The following NEK5 variants were observed in gnomAD, a reference collection of about 807,000 sequenced individuals.
The protein encoded by NEK5 is serine/threonine-protein kinase Nek5.
In NEK5, 88 loss-of-function variants were observed where a neutral mutation model predicts 109.2. That is an observed-to-expected ratio of 0.81 (90% CI 0.68 to 0.96). NEK5 has a LOEUF of 0.96. NEK5 is among the 40% of genes least tolerant of loss of function. The probability of loss-of-function intolerance (pLI) is 0.00; values close to 1 mark genes in which losing one functional copy is unlikely to be tolerated. For synonymous variants in NEK5, 283 were observed against 299.9 expected, an observed-to-expected ratio of 0.94 and a Z score of 0.58; for missense variants, 834 against 920.7, an observed-to-expected ratio of 0.91 and a Z score of 1.22.
intron 12 of NEK5, 51 bp from the exon 13 acceptor site, chr13:52,093,286 G>A: frequency 7.2e-7 from 1 of 1,386,856 alleles, no homozygotes; most frequent in Non-Finnish European, 1.0e-6. Context: ...CAGGCTGGGT[G>A]CAGTGGCTCA....
At chr13:52,122,728 C>T (rs2138134126) in intron 3 of NEK5, among the ~76,000 whole-genome samples, 2 of 152,066 alleles carry the variant, frequency 1.3e-5, no homozygotes, top group Admixed American at 1.3e-4. Context: ...GATCACGCCA[C>T]TGCACTCCAG....
intron 16 of NEK5, 107 bp from the exon 17 acceptor site, chr13:52,083,459 T>A (rs1480720916): frequency 3.0e-6 from 2 of 676,264 alleles, no homozygotes; most frequent in Non-Finnish European, 5.4e-6. Flanking sequence ...GAACCCTTTT[T>A]ATAGCTCCTT....
chr13:52,059,991 T>A (rs933483413), intron 22 of NEK5, among the ~76,000 whole-genome samples: 4 of 151,394 alleles, frequency 2.6e-5, no homozygotes, highest in African/African-American at 7.3e-5. Flanking sequence ...ATCATAATAA[T>A]AATTAGGTTT....
intron 4 of NEK5, among the ~76,000 whole-genome samples, chr13:52,115,867 A>G (rs1955848297): frequency 3.3e-5 from 5 of 152,038 alleles, no homozygotes; most frequent in Admixed American, 3.3e-4. Flanking sequence ...TCATTCTAAA[A>G]TGCACTTTTA....
chr13:52,033,939 C>G lies in NEK5; in HGVS notation c.*3009G>C, dbSNP rs533300521. The G allele has an allele frequency of 5.3e-5, 8 of 152,170 alleles. No individual in the cohort carries two copies. The highest frequency in any genetic ancestry group is 1.5e-5 in the Non-Finnish European group (1 of 68,014). The allele number at this position is 152,170 out of a possible 1,614,324, so 9.4% of individuals were successfully genotyped here. On this transcript the variant is annotated 3_prime_UTR_variant, in exon 24 of 24. Coordinates refer to ENST00000684899, the MANE Select transcript of NEK5 (RefSeq NM_001365552.1). ...GCAAATTATGTCCTGTAATTTACCC[C>G]CCTCCCCGCTGCTCCTCTGCTAACT...
chr13:52,079,694 G>C (rs1307446215), intron 17 of NEK5, among the ~76,000 whole-genome samples: 1 of 152,304 alleles, frequency 6.6e-6, no homozygotes, highest in Non-Finnish European at 1.5e-5. Flanking sequence ...CCAAAGTGCC[G>C]AGATTGCAGC....
chr13:52,054,704 G>T (rs556397479), intron 22 of NEK5, among the ~76,000 whole-genome samples: 11 of 152,242 alleles, frequency 7.2e-5, no homozygotes, highest in East Asian at 1.9e-4. Context: ...CACCTCACAC[G>T]GCCGGGTACT....
chr13:52,064,771 G>C, intron 21 of NEK5: 2 of 231,726 alleles, frequency 8.6e-6, no homozygotes, highest in South Asian at 4.8e-5. Context: ...ATTTTGTTCC[G>C]TACTAAGAAA....
At chr13:52,087,129 T>C (rs1398006293) in intron 15 of NEK5, among the ~76,000 whole-genome samples, 1 of 152,234 alleles carries the variant, frequency 6.6e-6, no homozygotes, top group Non-Finnish European at 1.5e-5. Flanking sequence ...AGTTACTCTA[T>C]GAATCTCAAG....
rs1408875793 is a variant in NEK5 at position 52,112,408 on chromosome 13, A to G, written c.215-43T>C. The G allele has an allele frequency of 5.5e-6, 7 of 1,272,066 alleles. No homozygotes were observed. The Admixed American group carries it at 1.0e-4, about 19-fold the overall frequency. The allele number at this position is 1,272,066 out of a possible 1,614,324, so 78.8% of individuals were successfully genotyped here. A position where few individuals can be genotyped will look rare whatever the true frequency, so the allele number is the denominator to read the frequency against. ...ATTTGGTGCTGGAAGGATTTCAGAT[A>G]TTTATCAGCCATGTTCTGGCTGTGG... On this transcript the variant is annotated intron_variant, in intron 4 of 23. Coordinates refer to ENST00000684899, the MANE Select transcript of NEK5 (RefSeq NM_001365552.1).
At position 52,082,019 on chromosome 13, in the gene NEK5, A is replaced by T. The variant is rs1955022047; in HGVS notation, c.1572+1241T>A. On this transcript the variant is annotated intron_variant, in intron 17 of 23. Coordinates refer to ENST00000684899, the MANE Select transcript of NEK5 (RefSeq NM_001365552.1). Reference sequence around the variant, plus strand: ...ACACAGAGAATTACTCTAATTATAAAGATAATAATAATTCGCTCAGGCGGG... The same window carrying T: ...ACACAGAGAATTACTCTAATTATAATGATAATAATAATTCGCTCAGGCGGG... 1.3e-5 allele frequency among the ~76,000 whole-genome samples: 2 copies of T among 152,256 alleles called. 1 individual carries two copies. Among genetic ancestry groups the T allele is most frequent in the Non-Finnish European group, 2.9e-5 (2 of 68,046 alleles).
intron 20 of NEK5, among the ~76,000 whole-genome samples, chr13:52,069,223 C>T (rs1306384322): frequency 2.6e-5 from 4 of 152,218 alleles, no homozygotes; most frequent in Non-Finnish European, 4.4e-5. Flanking sequence ...ACTGCTTTCC[C>T]TGAGGCCATT....
rs1955326556 is a variant in NEK5 at position 52,093,120 on chromosome 13, G to A, written c.1142C>T (p.Pro381Leu). 1 of 1,613,608 alleles carries A rather than the reference G, an allele frequency of 6.2e-7. No individual in the cohort carries two copies. Among genetic ancestry groups the A allele is most frequent in the Non-Finnish European group, 8.5e-7 (1 of 1,179,674 alleles). The change falls in exon 13 of 24, where the codon CCT (proline) becomes CTT (leucine). Residue 381 changes from proline to leucine, a missense_variant. Pro to Leu is a moderately conservative substitution (Grantham distance 98, BLOSUM62 -3). Around this residue, in one of 2 missense-constraint regions of NEK5, gnomAD observed 777 missense variants for 824.7 expected, o/e 0.94. Coordinates refer to ENST00000684899, the MANE Select transcript of NEK5 (RefSeq NM_001365552.1). ...RAHKPSYHPI[P>L]QENTGVEDYG... is the part of the protein sequence containing the mutation. ...ATCCTCAACTCCAGTATTTTCTTGA[G>A]GAATAGGGTGATAACTTGGTTTGTG...
intron 12 of NEK5, among the ~76,000 whole-genome samples, chr13:52,096,652 T>C (rs1031470061): frequency 1.3e-5 from 2 of 152,102 alleles, no homozygotes; most frequent in Non-Finnish European, 2.9e-5. Context: ...ATGGTCATAT[T>C]TGTGAGCAAA....
chr13:52,045,744 G>A (rs1433320591), intron 23 of NEK5, among the ~76,000 whole-genome samples: 17 of 115,026 alleles, frequency 1.5e-4, no homozygotes, highest in African/African-American at 5.5e-4. Context: ...CAGCCTGGGC[G>A]ACAGACCAAG....
At chr13:52,080,514 G>A (rs1456619845) in intron 17 of NEK5, among the ~76,000 whole-genome samples, 2 of 152,244 alleles carry the variant, frequency 1.3e-5, no homozygotes. Flanking sequence ...GAAAGAGGTA[G>A]ACATGGGAGA....
intron 12 of NEK5, among the ~76,000 whole-genome samples, chr13:52,096,756 G>T (rs1269249130): frequency 6.6e-6 from 1 of 152,196 alleles, no homozygotes; most frequent in South Asian, 2.1e-4. Context: ...CCATTTTCTG[G>T]GGAGCAATTC....
chr13:52,045,531 C>T (rs1160764744), intron 23 of NEK5, among the ~76,000 whole-genome samples: 139 of 132,636 alleles, frequency 1.0e-3, no homozygotes, highest in Middle Eastern at 0.012. Context: ...TTTGGGAGGC[C>T]GAGGCGAGCG....
At chr13:52,078,810 G>T (rs1233879661) in intron 17 of NEK5, among the ~76,000 whole-genome samples, 1 of 152,200 alleles carries the variant, frequency 6.6e-6, no homozygotes, top group Non-Finnish European at 1.5e-5. Flanking sequence ...CCCACCCACT[G>T]GAGTAGATTG....
Sources: gnomAD v4.1 joint callset for allele counts (sites outside exome capture counted in the v4.1 genomes callset) on GRCh38, gnomAD v4.1.1 for gene constraint, gnomAD v4.1.1 regional missense constraint, MANE v1.5 for transcripts, NCBI Gene and HGNC (gene_info 2026-07-23, HGNC 2026-07-21) for gene names.